The following KCNQ3 variants were observed in gnomAD, a reference collection of about 807,000 sequenced individuals.
The protein encoded by KCNQ3 is potassium voltage-gated channel subfamily KQT member 3.
KCNQ3 carries 30 observed loss-of-function variants against 92.5 expected under a neutral mutation model. That is an observed-to-expected ratio of 0.32 (90% CI 0.24 to 0.44). KCNQ3 has a LOEUF of 0.44. KCNQ3 is among the 20% of genes least tolerant of loss of function. KCNQ3 has a pLI of 1.00. For missense variants in KCNQ3, 913 were observed against 1,140.3 expected (o/e 0.80, Z 2.87); for synonymous variants, 450 against 468.8 (o/e 0.96, Z 0.52).
chr8:132,388,372 C>T (rs186365322), intron 1 of KCNQ3, among the ~76,000 whole-genome samples: 127 of 152,022 alleles, frequency 8.4e-4, no homozygotes, highest in African/African-American at 2.6e-3. Flanking sequence ...CTAAAGAGTA[C>T]GAGAAAACTT....
At chr8:132,296,600 C>T (rs1273475342) in intron 1 of KCNQ3, among the ~76,000 whole-genome samples, 3 of 151,632 alleles carry the variant, frequency 2.0e-5, no homozygotes, top group Non-Finnish European at 4.4e-5. Context: ...CCATGTGTTC[C>T]CATTGTTCAA....
intron 1 of KCNQ3, among the ~76,000 whole-genome samples, chr8:132,287,597 T>C (rs1188057882): frequency 6.6e-6 from 1 of 152,230 alleles, no homozygotes; most frequent in African/African-American, 2.4e-5. Flanking sequence ...TGAAAAGGAA[T>C]GCACTACTGA....
intron 1 of KCNQ3, among the ~76,000 whole-genome samples, chr8:132,221,126 T>C (rs1045703563): frequency 6.6e-6 from 1 of 152,236 alleles, no homozygotes; most frequent in Non-Finnish European, 1.5e-5. Context: ...TGCATCCATG[T>C]CCCTGCAAAG....
At chr8:132,294,067 C>G (rs1346221143) in intron 1 of KCNQ3, among the ~76,000 whole-genome samples, 1 of 138,128 alleles carries the variant, frequency 7.2e-6, no homozygotes, top group South Asian at 2.5e-4. Flanking sequence ...GTGGCGTGAT[C>G]TCAGCTCACT....
At chr8:132,361,962 T>C (rs1366732236) in intron 1 of KCNQ3, among the ~76,000 whole-genome samples, 2 of 152,184 alleles carry the variant, frequency 1.3e-5, no homozygotes, top group Non-Finnish European at 2.9e-5. Context: ...TAACATTATA[T>C]TAACACAATT....
intron 8 of KCNQ3, among the ~76,000 whole-genome samples, chr8:132,167,045 A>G (rs1485368567): frequency 6.6e-6 from 1 of 152,252 alleles, no homozygotes; most frequent in African/African-American, 2.4e-5. Context: ...CACCTGATGA[A>G]TCATTAAACA....
chr8:132,184,100 C>T, intron 3 of KCNQ3, 141 bp downstream of exon 3: 2 of 1,032,774 alleles, frequency 1.9e-6, no homozygotes, highest in South Asian at 2.6e-5. Context: ...TGTCCCTTCT[C>T]ATCGAGGCAG....
At chr8:132,293,428 C>T (rs1816916380) in intron 1 of KCNQ3, among the ~76,000 whole-genome samples, 1 of 152,116 alleles carries the variant, frequency 6.6e-6, no homozygotes, top group Admixed American at 6.6e-5. Flanking sequence ...TGTCTGCTGC[C>T]TGGTGTACAG....
chr8:132,297,682 A>C (rs1159702796), intron 1 of KCNQ3, among the ~76,000 whole-genome samples: 1 of 152,232 alleles, frequency 6.6e-6, no homozygotes, highest in Non-Finnish European at 1.5e-5. Context: ...GCTGAATGTG[A>C]TGAAGGGTCA....
intron 1 of KCNQ3, among the ~76,000 whole-genome samples, chr8:132,424,133 G>T (rs2597328): frequency 7.2e-6 from 1 of 139,520 alleles, no homozygotes; most frequent in African/African-American, 2.7e-5. Context: ...CCCTCCCCCC[G>T]CCACATAGCT....
chr8:132,149,353 T>A (rs1563773267), intron 9 of KCNQ3, among the ~76,000 whole-genome samples: 1 of 152,236 alleles, frequency 6.6e-6, no homozygotes, highest in Non-Finnish European at 1.5e-5. Context: ...GGCCTGTTAA[T>A]AGGAACCCTT....
chr8:132,471,629 G>A (rs761282117), intron 1 of KCNQ3, among the ~76,000 whole-genome samples: 13 of 152,018 alleles, frequency 8.6e-5, no homozygotes, highest in Non-Finnish European at 1.5e-4. Flanking sequence ...AACTCAAGAT[G>A]GATTAAAGAC....
chr8:132,292,706 A>G (rs1406496384), intron 1 of KCNQ3, among the ~76,000 whole-genome samples: 1 of 152,148 alleles, frequency 6.6e-6, no homozygotes, highest in Admixed American at 6.5e-5. Context: ...GTTTTCATCC[A>G]TGGTTCCTGG....
chr8:132,133,858 A>G (rs768728151), intron 13 of KCNQ3, among the ~76,000 whole-genome samples: 2 of 152,300 alleles, frequency 1.3e-5, no homozygotes, highest in Non-Finnish European at 2.9e-5. Context: ...CTGTGTTACA[A>G]TGTTGTCAGG....
chr8:132,327,853 T>TGGGAA (rs974027114), intron 1 of KCNQ3, among the ~76,000 whole-genome samples: 3 of 151,814 alleles, frequency 2.0e-5, no homozygotes, highest in African/African-American at 7.3e-5. Flanking sequence ...CCCCATGGTG[T>TGGGAA]GGGAAGGGAA....
chr8:132,341,893 TA>T (rs1023893288), intron 1 of KCNQ3, among the ~76,000 whole-genome samples: 49 of 152,362 alleles, frequency 3.2e-4, no homozygotes, highest in African/African-American at 9.9e-4. Context: ...TTTTCTCTAA[TA>T]AAGGGGATAA....
At chr8:132,288,290 C>T (rs1816735557) in intron 1 of KCNQ3, among the ~76,000 whole-genome samples, 1 of 152,296 alleles carries the variant, frequency 6.6e-6, no homozygotes, top group South Asian at 2.1e-4. Flanking sequence ...TCTTAATCAC[C>T]TCATTCTCAT....
At chr8:132,431,388 A>G (rs780537519) in intron 1 of KCNQ3, among the ~76,000 whole-genome samples, 3 of 152,168 alleles carry the variant, frequency 2.0e-5, no homozygotes, top group Non-Finnish European at 2.9e-5. Flanking sequence ...CGTTCCAGTA[A>G]AACGCCCATC....
chr8:132,137,832 A>AG (rs1825154459), intron 12 of KCNQ3, 53 bp downstream of exon 12: 1 of 1,603,810 alleles, frequency 6.2e-7, no homozygotes, highest in East Asian at 2.2e-5. Flanking sequence ...TTAAACTCTA[A>AG]GGTTCATAGG....
Sources: allele counts gnomAD v4.1 joint callset (sites outside exome capture counted in the v4.1 genomes callset), GRCh38; gene constraint gnomAD v4.1.1; transcripts MANE v1.5; gene names NCBI Gene and HGNC (gene_info 2026-07-23, HGNC 2026-07-21).